Variants in TENM4 observed in about 807,000 individuals in gnomAD.
TENM4 encodes teneurin transmembrane protein 4, also known as teneurin-4.
A neutral mutation model predicts 243.3 loss-of-function variants in TENM4; 82 were observed. That is an observed-to-expected ratio of 0.34 (90% CI 0.28 to 0.40). The LOEUF (loss-of-function observed/expected upper bound fraction) is 0.40. Among genes scored for constraint, TENM4 ranks in the 10% least tolerant of loss-of-function variants. The pLI is 1.00. For synonymous variants in TENM4, 1,412 were observed against 1,456.3 expected, an observed-to-expected ratio of 0.97 and a Z score of 0.69; for missense variants, 3,138 against 3,673.3, an observed-to-expected ratio of 0.85 and a Z score of 3.77.
chr11:78,945,194 A>G (rs1304641247), intron 6 of TENM4, among the ~76,000 whole-genome samples: 1 of 152,210 alleles, frequency 6.6e-6, no homozygotes, highest in Non-Finnish European at 1.5e-5. Context: ...GTTTGTGGCA[A>G]TCCTGAGTCA....
At chr11:78,956,616 A>C (rs1857211346) in intron 6 of TENM4, among the ~76,000 whole-genome samples, 1 of 152,228 alleles carries the variant, frequency 6.6e-6, no homozygotes, top group Non-Finnish European at 1.5e-5. Flanking sequence ...TTATCTCTAC[A>C]ACCATGAGTA....
intron 1 of TENM4, among the ~76,000 whole-genome samples, chr11:79,334,925 T>C (rs1565304297): frequency 6.6e-6 from 1 of 152,186 alleles, no homozygotes; most frequent in African/African-American, 2.4e-5. Flanking sequence ...TTTCTTGCCT[T>C]TGGGGTCCTG....
intron 1 of TENM4, among the ~76,000 whole-genome samples, chr11:79,313,874 C>T (rs759114434): frequency 3.3e-5 from 5 of 152,112 alleles, no homozygotes; most frequent in Non-Finnish European, 7.4e-5. Context: ...GGGCCATTTC[C>T]AGTTTCGATG....
rs966498375 is a variant in TENM4, at chr11:78,655,502, C to T, written c.*2556G>A. On this transcript the variant is annotated 3_prime_UTR_variant, in exon 34 of 34. Transcript: ENST00000278550. ...GAACAGCCTGGGCAACATAGTGAGA[C>T]CCCATCTCTATGAAAAAAAAAAGAA... 1 of 151,860 alleles carries T rather than the reference C, an allele frequency of 6.6e-6. No individual in the cohort carries two copies. The highest frequency in any genetic ancestry group is 2.4e-5 in the African/African-American group (1 of 41,280). 9.4% of individuals were successfully genotyped at this position (151,860 alleles called of 1,614,324 possible). A position where few individuals can be genotyped will look rare whatever the true frequency, so the allele number is the denominator to read the frequency against.
intron 1 of TENM4, among the ~76,000 whole-genome samples, chr11:79,334,267 G>A (rs112586340): frequency 3.9e-5 from 6 of 152,290 alleles, no homozygotes; most frequent in Middle Eastern, 3.4e-3. Context: ...ACCTCAGAGT[G>A]GGCCCATCTG....
chr11:79,310,140 C>G (rs1856695184), intron 1 of TENM4, among the ~76,000 whole-genome samples: 1 of 152,142 alleles, frequency 6.6e-6, no homozygotes, highest in Non-Finnish European at 1.5e-5. Context: ...CAGCACAGGC[C>G]CCGGCACAAA....
At chr11:79,112,788 T>C (rs1005996429) in intron 4 of TENM4, among the ~76,000 whole-genome samples, 1 of 152,098 alleles carries the variant, frequency 6.6e-6, no homozygotes, top group Non-Finnish European at 1.5e-5. Context: ...AGGATCCCAC[T>C]ATGGTCTTCC....
At chr11:79,255,629 G>C (rs375044659) in intron 2 of TENM4, among the ~76,000 whole-genome samples, 38 of 152,220 alleles carry the variant, frequency 2.5e-4, no homozygotes, top group African/African-American at 8.7e-4. Flanking sequence ...ACATTGAATA[G>C]CTAAAGTTAG....
intron 15 of TENM4, among the ~76,000 whole-genome samples, chr11:78,804,953 T>C (rs2136084023): frequency 6.6e-6 from 1 of 152,242 alleles, no homozygotes; most frequent in Admixed American, 6.5e-5. Flanking sequence ...AGAGCTTACC[T>C]AGGTACACTT....
intron 6 of TENM4, among the ~76,000 whole-genome samples, chr11:79,033,543 C>T (rs549259173): frequency 1.3e-5 from 2 of 152,332 alleles, no homozygotes; most frequent in South Asian, 4.1e-4. Flanking sequence ...GCTGGGATTA[C>T]ATGGTGCCAA....
At chr11:78,724,718 C>A (rs1855476159) in intron 23 of TENM4, among the ~76,000 whole-genome samples, 1 of 152,240 alleles carries the variant, frequency 6.6e-6, no homozygotes, top group African/African-American at 2.4e-5. Flanking sequence ...ACCACGATCC[C>A]TGGCTCCAAG....
chr11:79,378,092 T>A (rs1857928519), intron 1 of TENM4, among the ~76,000 whole-genome samples: 2 of 152,162 alleles, frequency 1.3e-5, no homozygotes, highest in South Asian at 2.1e-4. Flanking sequence ...ATTTTTATTT[T>A]AAAAAAAGGC....
intron 2 of TENM4, among the ~76,000 whole-genome samples, chr11:79,239,725 G>A (rs989643540): frequency 6.6e-6 from 1 of 152,130 alleles, no homozygotes; most frequent in Non-Finnish European, 1.5e-5. Context: ...TATTCCTGGG[G>A]CACTCTGCGG....
intron 11 of TENM4, among the ~76,000 whole-genome samples, chr11:78,855,212 G>C (rs1858650281): frequency 6.6e-6 from 1 of 152,196 alleles, no homozygotes; most frequent in Non-Finnish European, 1.5e-5. Flanking sequence ...AAACATATCT[G>C]TCTTTTAGCT....
intron 2 of TENM4, among the ~76,000 whole-genome samples, chr11:79,243,834 G>A (rs971814018): frequency 6.6e-6 from 1 of 152,244 alleles, no homozygotes; most frequent in Non-Finnish European, 1.5e-5. Context: ...GAGAGGCAGA[G>A]CAAGGACTCA....
At chr11:79,437,514 C>T (rs919487526) in intron 1 of TENM4, among the ~76,000 whole-genome samples, 2 of 152,198 alleles carry the variant, frequency 1.3e-5, no homozygotes, top group Non-Finnish European at 2.9e-5. Flanking sequence ...CGCCCAGGCC[C>T]CGCCCACCCG....
At chr11:79,292,508 C>T (rs1481908885) in intron 2 of TENM4, among the ~76,000 whole-genome samples, 1 of 152,200 alleles carries the variant, frequency 6.6e-6, no homozygotes, top group Non-Finnish European at 1.5e-5. Flanking sequence ...ACTACAGCTT[C>T]CTAGCCTTCA....
At chr11:78,864,601 T>C (rs977775355) in intron 9 of TENM4, among the ~76,000 whole-genome samples, 1 of 152,224 alleles carries the variant, frequency 6.6e-6, no homozygotes, top group Non-Finnish European at 1.5e-5. Context: ...TCCAATAATG[T>C]TTGTGATCTA....
chr11:79,064,805 G>A lies in TENM4; in HGVS notation c.426C>T (p.Ser142=). The A allele has an allele frequency of 6.4e-7, 1 of 1,551,588 alleles. No homozygotes were observed. The highest frequency in any genetic ancestry group is 2.4e-5 in the East Asian group (1 of 40,920). Residue 142 remains serine, a synonymous_variant, in exon 6 of 34, where the codon TCC becomes TCT. Transcript: ENST00000278550. ...TGGAATTGGCCCGGCTGGACAGGCA[G>A]GAGCTGCGCCCTGACCGTGTGCTCC... The part of the protein sequence containing the change: ...WGRSTRSGRS[S]CLSSRANSNL...
Sources: gnomAD v4.1 joint callset for allele counts (sites outside exome capture counted in the v4.1 genomes callset) on GRCh38, gnomAD v4.1.1 for gene constraint, MANE v1.5 for transcripts, NCBI Gene and HGNC (gene_info 2026-07-23, HGNC 2026-07-21) for gene names.